DLGAP4: variants seen among roughly 807,000 people sequenced by gnomAD.
DLGAP4 encodes the protein DLG associated protein 4.
Under a neutral mutation model 86.9 loss-of-function variants are expected in DLGAP4, and 18 were observed. That is an observed-to-expected ratio of 0.21 (90% confidence interval 0.14 to 0.31). The LOEUF (loss-of-function observed/expected upper bound fraction) is 0.31. DLGAP4 is among the 10% of genes least tolerant of loss of function. The pLI is 1.00. For synonymous variants in DLGAP4, 548 were observed against 574.3 expected, an observed-to-expected ratio of 0.95 and a Z score of 0.65; for missense variants, 1,085 against 1,362.6, an observed-to-expected ratio of 0.80 and a Z score of 3.21.
intron 10 of DLGAP4, among the ~76,000 whole-genome samples, chr20:36,504,005 A>G (rs1172076415): frequency 6.6e-6 from 1 of 152,186 alleles, no homozygotes; most frequent in Non-Finnish European, 1.5e-5. Flanking sequence ...ATTCATGTAC[A>G]AGTTTTTTAT....
chr20:36,520,706 A>T (rs1306448354), intron 10 of DLGAP4, among the ~76,000 whole-genome samples: 1 of 151,240 alleles, frequency 6.6e-6, no homozygotes, highest in Non-Finnish European at 1.5e-5. Context: ...CGTCTAGTTT[A>T]TCTGCTTTTT....
chr20:36,482,691 A>G (rs976443500), intron 7 of DLGAP4, among the ~76,000 whole-genome samples: 2 of 151,460 alleles, frequency 1.3e-5, no homozygotes, highest in African/African-American at 4.9e-5. Flanking sequence ...TGTTTTTTTG[A>G]GACAGGGTCT....
chr20:36,378,337 A>G (rs934910561), intron 2 of DLGAP4, among the ~76,000 whole-genome samples: 1 of 152,232 alleles, frequency 6.6e-6, no homozygotes, highest in African/African-American at 2.4e-5. Context: ...TGCCTGGCAC[A>G]TGCTAAATGC....
chr20:36,367,369 C>G (rs888312502), intron 2 of DLGAP4, 94 bp downstream of exon 2: 1 of 152,414 alleles, frequency 6.6e-6, no homozygotes, highest in Non-Finnish European at 1.5e-5. Context: ...CTGGCACCCA[C>G]ATGCTGGCAG....
intron 7 of DLGAP4, among the ~76,000 whole-genome samples, chr20:36,477,714 T>C (rs2147693643): frequency 6.6e-6 from 1 of 152,344 alleles, no homozygotes; most frequent in African/African-American, 2.4e-5. Context: ...TTCCAACATA[T>C]TTATGACTCA....
rs141621342 is a variant in DLGAP4, at chr20:36,403,510, G to A, written c.-72-28136G>A. Among the ~76,000 whole-genome samples the A allele has an allele frequency of 3.8e-4, 58 of 152,358 alleles. No individual in the cohort carries two copies. In the East Asian group the frequency reaches 5.6e-3, roughly 15 times the overall value. ...GTTACCTATAATCCCAGAGGGCAAAGCTGGGGCCAAAGAAGAAACCTCAAG... is the reference window on the plus strand; with the variant it reads ...GTTACCTATAATCCCAGAGGGCAAAACTGGGGCCAAAGAAGAAACCTCAAG... On this transcript the variant is annotated intron_variant, in intron 2 of 12. Transcript: ENST00000339266.
intron 2 of DLGAP4, among the ~76,000 whole-genome samples, chr20:36,411,033 C>T (rs2032482120): frequency 6.6e-6 from 1 of 152,100 alleles, no homozygotes; most frequent in Non-Finnish European, 1.5e-5. Flanking sequence ...TTCTGTTGCC[C>T]AGGCTGGAAT....
chr20:36,354,195 G>A (rs1280087513), intron 1 of DLGAP4, among the ~76,000 whole-genome samples: 1 of 152,046 alleles, frequency 6.6e-6, no homozygotes, highest in Non-Finnish European at 1.5e-5. Context: ...TCCACCCCTG[G>A]CCTTTCCCTG....
At chr20:36,392,827 TAAA>T (rs2031827096) in intron 2 of DLGAP4, among the ~76,000 whole-genome samples, 1 of 152,180 alleles carries the variant, frequency 6.6e-6, no homozygotes, top group African/African-American at 2.4e-5. Flanking sequence ...AGACAATAAG[TAAA>T]ATAAACGAAC....
At chr20:36,325,012 T>C (rs1481730725) in intron 1 of DLGAP4, among the ~76,000 whole-genome samples, 1 of 152,186 alleles carries the variant, frequency 6.6e-6, no homozygotes, top group Non-Finnish European at 1.5e-5. Context: ...TTTGTTTTTC[T>C]TTTTCTAGTT....
At chr20:36,333,208 A>G (rs1555891755) in intron 1 of DLGAP4, among the ~76,000 whole-genome samples, 1 of 152,128 alleles carries the variant, frequency 6.6e-6, no homozygotes, top group African/African-American at 2.4e-5. Context: ...GAGGATGGGG[A>G]CAGGGTTCAG....
At chr20:36,337,680 G>T (rs1007088020) in intron 1 of DLGAP4, among the ~76,000 whole-genome samples, 1 of 152,172 alleles carries the variant, frequency 6.6e-6, no homozygotes, top group Non-Finnish European at 1.5e-5. Context: ...TGGGAAGCGG[G>T]TGCTTCCCCC....
intron 1 of DLGAP4, among the ~76,000 whole-genome samples, chr20:36,360,730 G>A (rs752076022): frequency 1.3e-5 from 2 of 151,920 alleles, no homozygotes; most frequent in Non-Finnish European, 2.9e-5. Context: ...TCAGTGGGGC[G>A]GGGCCTGAGC....
At chr20:36,401,027 A>G (rs1476852163) in intron 2 of DLGAP4, among the ~76,000 whole-genome samples, 1 of 152,066 alleles carries the variant, frequency 6.6e-6, no homozygotes, top group Non-Finnish European at 1.5e-5. Context: ...CATCCCACAG[A>G]GAGGCCAGTC....
intron 7 of DLGAP4, among the ~76,000 whole-genome samples, chr20:36,447,614 T>C (rs2033626811): frequency 6.6e-6 from 1 of 152,040 alleles, no homozygotes; most frequent in African/African-American, 2.4e-5. Context: ...AGAGATGGGA[T>C]TTCACCATGT....
At chr20:36,366,714 C>CG (rs1343316832) in intron 1 of DLGAP4, among the ~76,000 whole-genome samples, 2 of 152,134 alleles carry the variant, frequency 1.3e-5, no homozygotes, top group East Asian at 3.8e-4. Flanking sequence ...CTTCTCCCAT[C>CG]CGGGGAAAAG....
chr20:36,489,400 C>T (rs563438495), intron 7 of DLGAP4, among the ~76,000 whole-genome samples: 1 of 152,312 alleles, frequency 6.6e-6, no homozygotes, highest in East Asian at 1.9e-4. Flanking sequence ...GTACCAGGCT[C>T]CAAGGACAGA....
intron 10 of DLGAP4, among the ~76,000 whole-genome samples, chr20:36,503,767 T>C (rs1039960185): frequency 6.6e-6 from 1 of 152,214 alleles, no homozygotes; most frequent in African/African-American, 2.4e-5. Flanking sequence ...AGTGCTGGGA[T>C]TACAGGCGTG....
chr20:36,431,714 G>A lies in DLGAP4; in HGVS notation c.-4G>A. 6.3e-7 allele frequency: 1 copy of A among 1,586,090 alleles called. No individual in the cohort carries two copies. The highest frequency in any genetic ancestry group is 8.6e-7 in the Non-Finnish European group (1 of 1,163,582). On this transcript the variant is annotated 5_prime_UTR_variant, in exon 3 of 13. Coordinates refer to ENST00000339266, the MANE Select transcript of DLGAP4 (RefSeq NM_001365621.2). The surrounding 1 kb of genome is among the most constrained non-coding windows in gnomAD (Gnocchi z 5.1). ...GTGAAGGCCCCTGCCCTCGGCCCGG[G>A]ATCATGAAAGGCCTCGGTGACAGCC...
Sources: allele counts gnomAD v4.1 joint callset (sites outside exome capture counted in the v4.1 genomes callset), GRCh38; gene constraint gnomAD v4.1.1; non-coding constraint Gnocchi (gnomAD v3.1); transcripts MANE v1.5; gene names NCBI Gene and HGNC (gene_info 2026-07-23, HGNC 2026-07-21).